The following PCDHGA9 variants were observed in gnomAD, a reference collection of about 807,000 sequenced individuals.
PCDHGA9 encodes the protein protocadherin gamma-A9.
A neutral mutation model predicts 62.5 loss-of-function variants in PCDHGA9; 37 were observed. The ratio of observed to expected loss-of-function variants is 0.59; its 90% CI spans 0.46 to 0.78. PCDHGA9 has a LOEUF of 0.78. Among genes scored for constraint, PCDHGA9 ranks in the 30% least tolerant of loss-of-function variants. PCDHGA9 has a pLI of 0.00. For synonymous variants in PCDHGA9, 459 were observed against 484.6 expected (o/e 0.95, Z 0.69); for missense variants, 1,138 against 1,166.2 (o/e 0.98, Z 0.35).
chr5:141,412,967 A>G, intron 1 of PCDHGA9: 1 of 520,650 alleles, frequency 1.9e-6, no homozygotes, highest in Non-Finnish European at 3.3e-6. Context: ...CTACTAGGAG[A>G]GAAAACGCAG....
rs545232987 is a variant in PCDHGA9 at position 141,484,750 on chromosome 5, G to GTA, written c.2425-10043_2425-10042dup. 2.3e-3 allele frequency among the ~76,000 whole-genome samples: 340 copies of GTA among 149,860 alleles called. 1 individual carries two copies. Among genetic ancestry groups the GTA allele is most frequent in the South Asian group, 1.0e-2 (47 of 4,704 alleles). On this transcript the variant is annotated intron_variant, in intron 1 of 3. Coordinates refer to ENST00000573521, the MANE Select transcript of PCDHGA9 (RefSeq NM_018921.3). ...CAGTCGGTGTGTTAGGAAAAAAAAT[G>GTA]TATATATATATATATGTTGTCTGCC...
Position 141,511,065 on chromosome 5 carries a change from C to T in PCDHGA9, c.2691C>T (p.Ile897=). Residue 897 remains isoleucine, a synonymous_variant, in exon 4 of 4, where the codon ATC becomes ATT. Transcript: ENST00000573521. ...HVPDYRQNVY[I]PGSNATLTNA... ...CCGACTACCGCCAGAATGTCTACATCCCAGGCAGCAATGCCACACTGACCA... is the reference window on the plus strand; with the variant it reads ...CCGACTACCGCCAGAATGTCTACATTCCAGGCAGCAATGCCACACTGACCA... The T allele has an allele frequency of 6.2e-7, 1 of 1,614,222 alleles. No individual in the cohort carries two copies. Among genetic ancestry groups the T allele is most frequent in the Middle Eastern group, 1.6e-4 (1 of 6,062 alleles).
At chr5:141,448,663 G>A (rs1195703194) in intron 1 of PCDHGA9, among the ~76,000 whole-genome samples, 3 of 151,920 alleles carry the variant, frequency 2.0e-5, no homozygotes, top group African/African-American at 7.3e-5. Flanking sequence ...CATATTGGCC[G>A]GGCGCGGTGG....
At chr5:141,407,559 G>A (rs1210777840) in intron 1 of PCDHGA9, among the ~76,000 whole-genome samples, 1 of 151,834 alleles carries the variant, frequency 6.6e-6, no homozygotes, top group African/African-American at 2.4e-5. Context: ...TAGAACATAA[G>A]CTGAAAGATA....
At chr5:141,420,887 G>C (rs2096530920) in intron 1 of PCDHGA9, among the ~76,000 whole-genome samples, 1 of 152,204 alleles carries the variant, frequency 6.6e-6, no homozygotes, top group African/African-American at 2.4e-5. Context: ...GTGTATCATC[G>C]TTTTTAAGCT....
At chr5:141,449,737 A>T (rs1174103155) in intron 1 of PCDHGA9, among the ~76,000 whole-genome samples, 3 of 151,666 alleles carry the variant, frequency 2.0e-5, no homozygotes, top group Non-Finnish European at 4.4e-5. Flanking sequence ...TTTTTATGAC[A>T]TGATTATTTT....
Position 141,423,157 on chromosome 5 carries a change from G to C in PCDHGA9, c.2424+17781G>C, listed in dbSNP as rs527921011. The C allele has an allele frequency of 7.4e-6, 12 of 1,610,820 alleles. No homozygotes were observed. The South Asian group carries it at 1.2e-4, about 16-fold the overall frequency. ...CAGAGACGCGCTCAAGCAGAGCCTC[G>C]TGGTGGCCGTCCAGGACCACGGCCA... On this transcript the variant is annotated intron_variant, in intron 1 of 3. Coordinates refer to ENST00000573521, the MANE Select transcript of PCDHGA9 (RefSeq NM_018921.3).
intron 1 of PCDHGA9, among the ~76,000 whole-genome samples, chr5:141,450,888 G>A (rs1038570371): frequency 6.9e-5 from 10 of 145,278 alleles, no homozygotes; most frequent in Admixed American, 4.1e-4. Context: ...GCAGTGGTGC[G>A]ATATCGGCTC....
intron 1 of PCDHGA9, chr5:141,409,496 C>CT (rs1276498782): frequency 6.2e-7 from 1 of 1,614,044 alleles, no homozygotes; most frequent in South Asian, 1.1e-5. Context: ...CAAGCCGCCT[C>CT]TTTCTTCCAG....
intron 1 of PCDHGA9, among the ~76,000 whole-genome samples, chr5:141,438,629 TATATATAC>T (rs1474630940): frequency 0.043 from 2,039 of 47,824 alleles, 19 homozygotes; most frequent in South Asian, 0.061. Flanking sequence ...TATATATATA[TATATATAC>T]ACACACACAC....
At chr5:141,418,536 C>G (rs1196331424) in intron 1 of PCDHGA9, 6 of 1,614,026 alleles carry the variant, frequency 3.7e-6, no homozygotes, top group South Asian at 1.1e-5. Flanking sequence ...AGCGGTACTG[C>G]TCAGATAAGA....
At chr5:141,459,603 A>G (rs867387156) in intron 1 of PCDHGA9, among the ~76,000 whole-genome samples, 1 of 152,244 alleles carries the variant, frequency 6.6e-6, no homozygotes, top group Non-Finnish European at 1.5e-5. Flanking sequence ...AATGGGAAGT[A>G]TATGCTTAAC....
intron 1 of PCDHGA9, chr5:141,427,003 T>C: frequency 2.2e-6 from 1 of 456,764 alleles, no homozygotes; most frequent in South Asian, 1.5e-5. Flanking sequence ...GCCCCAGTTT[T>C]TAGCCAGGAT....
In PCDHGA9 at chr5:141,404,492, C is replaced by T. The variant is rs770295078; in HGVS notation, c.1540C>T (p.Leu514=). The stretch of plus-strand genomic sequence containing the variant: ...CTCTATTAACTCAGACACTGGTGTG[C>T]TGTATGCTCTGTGCTCCTTTGACTA... The part of the protein sequence containing the change: ...YVSINSDTGV[L]YALCSFDYEQ... Residue 514 remains leucine, a synonymous_variant, in exon 1 of 4, where the codon CTG becomes TTG. Transcript: ENST00000573521. The T allele has an allele frequency of 6.2e-7, 1 of 1,613,668 alleles. No homozygotes were observed. Among genetic ancestry groups the T allele is most frequent in the African/African-American group, 1.3e-5 (1 of 75,062 alleles).
intron 1 of PCDHGA9, chr5:141,410,798 T>C: frequency 1.4e-6 from 1 of 712,186 alleles, no homozygotes; most frequent in Non-Finnish European, 2.1e-6. Flanking sequence ...CATAAGTTGC[T>C]CTATCTTTTT....
chr5:141,477,379 A>C lies in PCDHGA9; in HGVS notation c.2425-17428A>C, dbSNP rs1293075706. The stretch of plus-strand genomic sequence containing the variant: ...CAGACCTGGATCGGGAGACTGTGCC[A>C]GAATACAACCTCAGCATCACCGCCC... On this transcript the variant is annotated intron_variant, in intron 1 of 3. Transcript: ENST00000573521. This position sits in a 1 kb window ranked among gnomAD's most constrained non-coding sequence, Gnocchi z 4.9. 2 of 1,614,184 alleles carry C rather than the reference A, an allele frequency of 1.2e-6. No homozygotes were observed. Among genetic ancestry groups the C allele is most frequent in the Non-Finnish European group, 1.7e-6 (2 of 1,180,034 alleles).
At position 141,491,127 on chromosome 5, in the gene PCDHGA9, C is replaced by T. The variant is rs2099708654; in HGVS notation, c.2425-3680C>T. On this transcript the variant is annotated intron_variant, in intron 1 of 3. Transcript: ENST00000573521. This position sits in a 1 kb window ranked among gnomAD's most constrained non-coding sequence, Gnocchi z 6.9. ...TGTCTACACACACTGGTGAGGTGCGCACAGCCCGGGCCTTACTGGAGGATG... is the reference window on the plus strand; with the variant it reads ...TGTCTACACACACTGGTGAGGTGCGTACAGCCCGGGCCTTACTGGAGGATG... 1 of 1,614,076 alleles carries T rather than the reference C, an allele frequency of 6.2e-7. No individual in the cohort carries two copies. The highest frequency in any genetic ancestry group is 1.3e-5 in the African/African-American group (1 of 74,942).
intron 1 of PCDHGA9, chr5:141,417,885 G>A (rs761442517): frequency 2.6e-6 from 4 of 1,562,806 alleles, no homozygotes; most frequent in Admixed American, 1.9e-5. Flanking sequence ...GCGCAGAGGC[G>A]CCGGGCCGGC....
chr5:141,471,635 A>G (rs1477641248), intron 1 of PCDHGA9: 1 of 152,224 alleles, frequency 6.6e-6, no homozygotes, highest in Non-Finnish European at 1.5e-5. Context: ...GGTATGGATT[A>G]GTAATATACT....
Sources: allele counts gnomAD v4.1 joint callset (sites outside exome capture counted in the v4.1 genomes callset), GRCh38; gene constraint gnomAD v4.1.1; non-coding constraint Gnocchi (gnomAD v3.1); transcripts MANE v1.5; gene names NCBI Gene and HGNC (gene_info 2026-07-23, HGNC 2026-07-21).